UBE2E2: variants seen among roughly 807,000 people sequenced by gnomAD.
UBE2E2 encodes ubiquitin conjugating enzyme E2 E2, also known as ubiquitin-conjugating enzyme E2 E2.
A neutral mutation model predicts 24.7 loss-of-function variants in UBE2E2; 6 were observed. The ratio of observed to expected loss-of-function variants is 0.24; its 90% confidence interval spans 0.13 to 0.48. The LOEUF is 0.48. Among genes scored for constraint, UBE2E2 ranks in the 20% least tolerant of loss-of-function variants. The pLI is 0.99. For synonymous variants in UBE2E2, 104 were observed against 83.6 expected, an observed-to-expected ratio of 1.24 and a Z score of -1.33; for missense variants, 169 against 245.0, an observed-to-expected ratio of 0.69 and a Z score of 2.07.
At chr3:23,308,028 G>GT (rs1033709544) in intron 3 of UBE2E2, among the ~76,000 whole-genome samples, 3 of 152,146 alleles carry the variant, frequency 2.0e-5, no homozygotes, top group Non-Finnish European at 4.4e-5. Flanking sequence ...GTATCCTTAA[G>GT]TTTTTACCAA....
intron 3 of UBE2E2, among the ~76,000 whole-genome samples, chr3:23,425,598 A>G (rs1697907179): frequency 6.6e-6 from 1 of 152,280 alleles, no homozygotes; most frequent in Non-Finnish European, 1.5e-5. Context: ...ACAGGCAAAT[A>G]CAGAGAACAG....
At chr3:23,396,978 G>A (rs1456750630) in intron 3 of UBE2E2, among the ~76,000 whole-genome samples, 1 of 152,140 alleles carries the variant, frequency 6.6e-6, no homozygotes, top group African/African-American at 2.4e-5. Flanking sequence ...CAATGTGCTG[G>A]CTCTTGTGAG....
At chr3:23,544,167 T>TA (rs1358696422) in intron 5 of UBE2E2, among the ~76,000 whole-genome samples, 1 of 152,082 alleles carries the variant, frequency 6.6e-6, no homozygotes, top group Non-Finnish European at 1.5e-5. Flanking sequence ...AATTTATGAG[T>TA]AAGACCCCGA....
Position 23,335,879 on chromosome 3 carries a change from G to A in UBE2E2, c.227+118567G>A, listed in dbSNP as rs1180637361. On this transcript the variant is annotated intron_variant, in intron 3 of 5. Transcript: ENST00000396703. The stretch of plus-strand genomic sequence containing the variant: ...ATTGAAAAGTCACAAAACTTACTAC[G>A]AACAAGGTAAAAGGTGTACAGTTTG... 3.9e-5 allele frequency among the ~76,000 whole-genome samples: 6 copies of A among 152,112 alleles called. No homozygotes were observed. In the East Asian group the frequency reaches 9.7e-4, roughly 24 times the overall value.
At chr3:23,270,138 C>A (rs2125361893) in intron 3 of UBE2E2, among the ~76,000 whole-genome samples, 1 of 132,632 alleles carries the variant, frequency 7.5e-6, no homozygotes, top group South Asian at 2.5e-4. Context: ...AAGACTCTTT[C>A]CACCCCCCTC....
At chr3:23,449,124 G>A (rs765058610) in intron 3 of UBE2E2, among the ~76,000 whole-genome samples, 8 of 152,144 alleles carry the variant, frequency 5.3e-5, no homozygotes, top group Admixed American at 3.3e-4. Flanking sequence ...AACTCTTATG[G>A]CATTACAGAA....
At chr3:23,521,966 G>A in intron 4 of UBE2E2, among the ~76,000 whole-genome samples, 1 of 140,084 alleles carries the variant, frequency 7.1e-6, no homozygotes, top group Non-Finnish European at 1.5e-5. Flanking sequence ...ATGTTTAAAT[G>A]ATTATTTGTG....
Position 23,203,366 on chromosome 3 carries a change from C to A in UBE2E2, c.-107C>A. 1 of 986,100 alleles carries A rather than the reference C, an allele frequency of 1.0e-6. No homozygotes were observed. The highest frequency in any genetic ancestry group is 1.2e-6 in the Non-Finnish European group (1 of 830,378). 61.1% of individuals were successfully genotyped at this position (986,100 alleles called of 1,614,324 possible). On this transcript the variant is annotated 5_prime_UTR_variant, in exon 1 of 6. Transcript: ENST00000396703. Reference sequence around the variant, plus strand: ...AGACGGTCCGCAGGGGACATCCCGTCCCTGGGGCCTCCCCAGTCTCCCTCC... The same window carrying A: ...AGACGGTCCGCAGGGGACATCCCGTACCTGGGGCCTCCCCAGTCTCCCTCC...
chr3:23,376,308 G>A (rs1455294369), intron 3 of UBE2E2, among the ~76,000 whole-genome samples: 3 of 152,282 alleles, frequency 2.0e-5, no homozygotes, highest in East Asian at 3.9e-4. Flanking sequence ...GTTTTGTGTG[G>A]TAGAAGTAAG....
chr3:23,331,970 C>G (rs754573070), intron 3 of UBE2E2, among the ~76,000 whole-genome samples: 5 of 152,232 alleles, frequency 3.3e-5, no homozygotes, highest in Non-Finnish European at 5.9e-5. Context: ...TGAAGTTGGA[C>G]TGGATAATTT....
In UBE2E2 at chr3:23,509,396, A is replaced by T. The variant is rs28597758; in HGVS notation, c.360+9656A>T. Reference sequence around the variant, plus strand: ...AATAATATTCTACGTGTGATGAAAAAAAGTATAATATTCTCCACTTTATTT... The same window carrying T: ...AATAATATTCTACGTGTGATGAAAATAAGTATAATATTCTCCACTTTATTT... On this transcript the variant is annotated intron_variant, in intron 4 of 5. Coordinates refer to ENST00000396703, the MANE Select transcript of UBE2E2 (RefSeq NM_152653.4). Among the ~76,000 whole-genome samples the T allele has an allele frequency of 6.6e-3, 1,002 of 152,252 alleles. 8 individuals are homozygous for T. The highest frequency in any genetic ancestry group is 0.023 in the African/African-American group (941 of 41,552).
At chr3:23,494,476 G>A (rs1305976761) in intron 3 of UBE2E2, among the ~76,000 whole-genome samples, 2 of 152,060 alleles carry the variant, frequency 1.3e-5, no homozygotes, top group African/African-American at 4.8e-5. Context: ...TACACATACA[G>A]CACATTTCAA....
chr3:23,262,044 A>G (rs752713126), intron 3 of UBE2E2, among the ~76,000 whole-genome samples: 2 of 152,172 alleles, frequency 1.3e-5, no homozygotes, highest in African/African-American at 4.8e-5. Context: ...AGGAGCCTCC[A>G]TATTGGTTTC....
intron 3 of UBE2E2, among the ~76,000 whole-genome samples, chr3:23,363,821 A>G (rs1696189696): frequency 6.6e-6 from 1 of 152,032 alleles, no homozygotes; most frequent in African/African-American, 2.4e-5. Flanking sequence ...AGAACTCTCT[A>G]CCCAAAACAA....
intron 3 of UBE2E2, among the ~76,000 whole-genome samples, chr3:23,228,290 G>C (rs1404534161): frequency 1.3e-5 from 2 of 151,930 alleles, no homozygotes; most frequent in East Asian, 3.9e-4. Context: ...AAAATAATGT[G>C]TCTGAAAAAT....
chr3:23,309,654 A>AAT (rs1287172014), intron 3 of UBE2E2, among the ~76,000 whole-genome samples: 1 of 152,022 alleles, frequency 6.6e-6, no homozygotes, highest in Non-Finnish European at 1.5e-5. Flanking sequence ...GTGCATCTTG[A>AAT]ATATATATAT....
At chr3:23,234,230 C>G (rs1697041571) in intron 3 of UBE2E2, among the ~76,000 whole-genome samples, 1 of 149,932 alleles carries the variant, frequency 6.7e-6, no homozygotes, top group Non-Finnish European at 1.5e-5. Flanking sequence ...TTTTTATTCT[C>G]CAGTTTGCCA....
intron 3 of UBE2E2, among the ~76,000 whole-genome samples, chr3:23,301,979 C>T (rs185758080): frequency 6.6e-6 from 1 of 150,980 alleles, no homozygotes; most frequent in Non-Finnish European, 1.5e-5. Context: ...TGTCTTTAAT[C>T]ATTTTCCTGA....
In UBE2E2 at chr3:23,362,977, AT is replaced by A. The variant is rs528677549; in HGVS notation, c.228-136629del. 2.5e-3 allele frequency among the ~76,000 whole-genome samples: 376 copies of A among 152,262 alleles called. 2 individuals carry two copies. Among genetic ancestry groups the A allele is most frequent in the Non-Finnish European group, 3.8e-3 (256 of 68,008 alleles). ...GCAAAAGCCCTACAAGTCAGAAGAGATTGGGGGGTCTATATTCAGCATTCTT... is the reference window on the plus strand; with the variant it reads ...GCAAAAGCCCTACAAGTCAGAAGAGATGGGGGGTCTATATTCAGCATTCTT... On this transcript the variant is annotated intron_variant, in intron 3 of 5. Transcript: ENST00000396703.
Sources: gnomAD v4.1 joint callset for allele counts (sites outside exome capture counted in the v4.1 genomes callset) on GRCh38, gnomAD v4.1.1 for gene constraint, MANE v1.5 for transcripts, NCBI Gene and HGNC (gene_info 2026-07-23, HGNC 2026-07-21) for gene names.